MTMR9: variants seen among roughly 807,000 people sequenced by gnomAD.
MTMR9 encodes the protein myotubularin-related protein 9.
Under a neutral mutation model 69.5 loss-of-function variants are expected in MTMR9, and 39 were observed. The observed-to-expected ratio is 0.56, with a 90% CI of 0.43 to 0.73. The LOEUF (loss-of-function observed/expected upper bound fraction) is 0.73, where lower values mean the gene tolerates loss of function less well. MTMR9 is among the 30% of genes least tolerant of loss of function. The pLI is 0.00. For missense variants in MTMR9, 900 were observed against 671.2 expected (o/e 1.34, Z -3.77); for synonymous variants, 354 against 240.8 (o/e 1.47, Z -4.35).
intron 4 of MTMR9, 111 bp downstream of exon 4, chr8:11,305,125 C>G (rs1470816592): frequency 9.4e-7 from 1 of 1,060,172 alleles, no homozygotes; most frequent in East Asian, 2.6e-5. Context: ...TTGTCCAGGT[C>G]TCCACCACAA....
intron 6 of MTMR9, among the ~76,000 whole-genome samples, chr8:11,311,008 A>G (rs553702776): frequency 5.5e-4 from 83 of 152,282 alleles, no homozygotes; most frequent in Admixed American, 2.4e-3. Flanking sequence ...TTTCTGATAT[A>G]TATTGGCCTA....
At chr8:11,336,340 G>C in the MTMR9 span, among the ~76,000 whole-genome samples, 91 of 152,354 alleles carry the variant, frequency 6.0e-4, 2 homozygotes, top group South Asian at 0.018. Flanking sequence ...GCTGGAGAAA[G>C]AGGCTGACTG....
intron 3 of MTMR9, among the ~76,000 whole-genome samples, chr8:11,301,012 C>G (rs1799730050): frequency 6.6e-6 from 1 of 152,128 alleles, no homozygotes; most frequent in Non-Finnish European, 1.5e-5. Context: ...GATGAGACAT[C>G]AGTGAATGGG....
chr8:11,289,534 G>A (rs1054998985), intron 1 of MTMR9, among the ~76,000 whole-genome samples: 1 of 151,704 alleles, frequency 6.6e-6, no homozygotes. Context: ...CTACTCAGTT[G>A]ATGACTCATC....
At chr8:11,305,245 T>C (rs1407079947) in intron 4 of MTMR9, among the ~76,000 whole-genome samples, 1 of 152,188 alleles carries the variant, frequency 6.6e-6, no homozygotes, top group African/African-American at 2.4e-5. Context: ...AAAGCCCTGA[T>C]AGCTTTATCT....
At chr8:11,294,911 A>T (rs1799498610) in intron 1 of MTMR9, 1 of 204,022 alleles carries the variant, frequency 4.9e-6, no homozygotes, top group African/African-American at 2.3e-5. Context: ...TTAGTTACAG[A>T]TCTTTTTCCT....
chr8:11,300,751 G>A (rs1021379702), intron 3 of MTMR9: 2 of 152,122 alleles, frequency 1.3e-5, no homozygotes, highest in African/African-American at 2.4e-5. Flanking sequence ...AAATATTTAC[G>A]AATAAATTTA....
the MTMR9 span, among the ~76,000 whole-genome samples, chr8:11,333,202 G>C: frequency 6.6e-6 from 1 of 152,128 alleles, no homozygotes. Flanking sequence ...TTCATACCAA[G>C]ACACAGTATA....
At position 11,315,006 on chromosome 8, in the gene MTMR9, A is replaced by G. The variant is rs1393462830; in HGVS notation, c.1055A>G (p.Glu352Gly). The G allele has an allele frequency of 6.2e-7, 1 of 1,614,018 alleles. No homozygotes were observed. The highest frequency in any genetic ancestry group is 8.5e-7 in the Non-Finnish European group (1 of 1,179,916). ...QVTSLAQIIL[E>G]PRSRTIRGFE... is the part of the protein sequence containing the mutation. ...ACCTCCTTGGCCCAGATCATCTTAG[A>G]GCCAAGAAGCAGGACCATTCGTGGT... Residue 352 changes from glutamate (E) to glycine (G), a missense_variant, in exon 7 of 10, where the codon GAG becomes GGG. Coordinates refer to ENST00000221086, the MANE Select transcript of MTMR9 (RefSeq NM_015458.4).
At chr8:11,289,105 G>A (rs1448944900) in intron 1 of MTMR9, among the ~76,000 whole-genome samples, 5 of 152,218 alleles carry the variant, frequency 3.3e-5, no homozygotes, top group African/African-American at 7.2e-5. Flanking sequence ...CTGGGAGGCC[G>A]AGGTTGCAGT....
chr8:11,288,225 TATA>T lies in MTMR9; in HGVS notation c.182+3159_182+3161del, dbSNP rs546452973. On this transcript the variant is annotated intron_variant, in intron 1 of 9. Transcript: ENST00000221086. The stretch of plus-strand genomic sequence containing the variant: ...TTATTATATATAATATATTAATAAT[TATA>T]ATATATAATAATAATAATTATATTA... 5.9e-3 allele frequency among the ~76,000 whole-genome samples: 803 copies of T among 135,792 alleles called. 4 individuals are homozygous for T. The highest frequency in any genetic ancestry group is 0.021 in the African/African-American group (763 of 35,970). The allele number at this position is 135,792 out of a possible 152,430, so 89.1% of individuals were successfully genotyped here.
At chr8:11,306,584 A>G (rs558397356) in intron 5 of MTMR9, among the ~76,000 whole-genome samples, 177 bp downstream of exon 5, 8 of 152,194 alleles carry the variant, frequency 5.3e-5, no homozygotes, top group African/African-American at 1.7e-4. Context: ...TTGATTGACA[A>G]ATAAAAATTA....
In MTMR9 at chr8:11,315,561, A is replaced by G. The variant is rs149222781; in HGVS notation, c.1113+497A>G. ...ACAGGGATTGATATCCTCCACAGAG[A>G]TTACTTTTCAATATATTTCTACTGT... On this transcript the variant is annotated intron_variant, in intron 7 of 9. Coordinates refer to ENST00000221086, the MANE Select transcript of MTMR9 (RefSeq NM_015458.4). Among the ~76,000 whole-genome samples, 562 of 152,362 alleles carry G rather than the reference A, an allele frequency of 3.7e-3. 2 individuals are homozygous for G. The highest frequency in any genetic ancestry group is 5.8e-3 in the Non-Finnish European group (392 of 68,036).
intron 2 of MTMR9, among the ~76,000 whole-genome samples, chr8:11,298,298 C>A (rs1258830451): frequency 6.6e-6 from 1 of 151,856 alleles, no homozygotes; most frequent in African/African-American, 2.4e-5. Context: ...TGACGGCAGC[C>A]CTGAGTTAGG....
chr8:11,316,845 C>G lies in MTMR9; in HGVS notation c.1286C>G (p.Ala429Gly), dbSNP rs745629368. 1 of 1,612,656 alleles carries G rather than the reference C, an allele frequency of 6.2e-7. No homozygotes were observed. Among genetic ancestry groups the G allele is most frequent in the African/African-American group, 1.3e-5 (1 of 74,822 alleles). Reference protein sequence around the residue: ...ENFLIMLFEHAYASQFGTFLG... With the variant: ...ENFLIMLFEHGYASQFGTFLG... ...TTCCTCATCATGCTCTTTGAGCATG[C>G]TTATGCCTCACAGTTTGGAACATTT... Residue 429 changes from alanine to glycine, a missense_variant, in exon 8 of 10, where the codon GCT (alanine) becomes GGT (glycine). By Grantham distance (60) the Ala-to-Gly change is moderately conservative. Transcript: ENST00000221086.
chr8:11,297,287 A>C (rs1018486495), intron 2 of MTMR9, among the ~76,000 whole-genome samples: 2 of 152,222 alleles, frequency 1.3e-5, no homozygotes, highest in African/African-American at 2.4e-5. Flanking sequence ...GGTACATAAC[A>C]CATTTCTTCC....
intron 1 of MTMR9, among the ~76,000 whole-genome samples, chr8:11,288,971 G>A (rs1230647128): frequency 1.3e-5 from 2 of 152,098 alleles, no homozygotes; most frequent in African/African-American, 4.8e-5. Flanking sequence ...TCAGGAGTTC[G>A]ACACAGCCTG....
chr8:11,317,126 A>C (rs1345614077), intron 8 of MTMR9: 1 of 318,356 alleles, frequency 3.1e-6, no homozygotes, highest in Non-Finnish European at 5.6e-6. Context: ...ATTAAGGGGC[A>C]ACCATTTTAA....
At chr8:11,332,409 G>A (rs574958891), downstream of MTMR9, among the ~76,000 whole-genome samples, 1 of 152,088 alleles carries the variant, frequency 6.6e-6, no homozygotes, top group African/African-American at 2.4e-5. Flanking sequence ...CTAAACAATT[G>A]TCTTAAATAT....
Sources: allele counts gnomAD v4.1 joint callset (sites outside exome capture counted in the v4.1 genomes callset), GRCh38; gene constraint gnomAD v4.1.1; transcripts MANE v1.5; gene names NCBI Gene and HGNC (gene_info 2026-07-23, HGNC 2026-07-21).